Variants in DSG2 observed in about 807,000 individuals in gnomAD.
DSG2 encodes desmoglein-2.
Under a neutral mutation model 75.6 loss-of-function variants are expected in DSG2, and 45 were observed. The ratio of observed to expected loss-of-function variants is 0.60; its 90% confidence interval spans 0.47 to 0.76. The LOEUF (loss-of-function observed/expected upper bound fraction) is 0.76. Among genes scored for constraint, DSG2 ranks in the 30% least tolerant of loss-of-function variants. The probability of loss-of-function intolerance (pLI) is 0.00; values close to 1 mark genes in which losing one functional copy is unlikely to be tolerated. For synonymous variants in DSG2, 429 were observed against 483.9 expected (o/e 0.89, Z 1.49); for missense variants, 1,267 against 1,357.4 (o/e 0.93, Z 1.05).
chr18:31,547,900 C>G lies in DSG2; in HGVS notation c.*1157C>G, dbSNP rs2073326338. On this transcript the variant is annotated 3_prime_UTR_variant, in exon 15 of 15. Transcript: ENST00000261590. ...TGCAGCTACATTAACCAACTATGTT[C>G]TCTAGTTGAGAACAACTAGGCCTAT... 1 of 152,150 alleles carries G rather than the reference C, an allele frequency of 6.6e-6. No homozygotes were observed. Among genetic ancestry groups the G allele is most frequent in the Non-Finnish European group, 1.5e-5 (1 of 68,038 alleles). The allele number at this position is 152,150 out of a possible 1,614,324, so 9.4% of individuals were successfully genotyped here. A position where few individuals can be genotyped will look rare whatever the true frequency, so the allele number is the denominator to read the frequency against.
chr18:31,546,521 A>C lies in DSG2; in HGVS notation c.3135A>C (p.Thr1045=), dbSNP rs8095704. 2,126 of 1,614,218 alleles carry C rather than the reference A, an allele frequency of 1.3e-3. 29 individuals are homozygous for C. The African/African-American group carries it at 0.024, about 18-fold the overall frequency. The part of the protein sequence containing the change: ...MPNIAVGQNV[T]VTERVLAPAS... The stretch of plus-strand genomic sequence containing the variant: ...ATATAGCAGTAGGACAGAATGTGAC[A>C]GTGACAGAAAGAGTTCTAGCACCTG... The change falls in exon 15 of 15, where the codon ACA becomes ACC. Residue 1045 remains threonine (T), a synonymous_variant. Transcript: ENST00000261590.
chr18:31,536,142 C>G (rs1220558231), intron 10 of DSG2, 60 bp from the exon 11 acceptor site: 26 of 1,534,146 alleles, frequency 1.7e-5, no homozygotes, highest in Non-Finnish European at 2.2e-5. Flanking sequence ...GGAATTCAAA[C>G]TATGTCTGTT....
At chr18:31,531,624 T>A (rs1434763593) in intron 9 of DSG2, among the ~76,000 whole-genome samples, 1 of 152,262 alleles carries the variant, frequency 6.6e-6, no homozygotes, top group Non-Finnish European at 1.5e-5. Flanking sequence ...TCCACAAGAT[T>A]TACTTTATAC....
intron 3 of DSG2, 75 bp downstream of exon 3, chr18:31,520,012 T>C: frequency 6.4e-7 from 1 of 1,572,752 alleles, no homozygotes; most frequent in African/African-American, 1.4e-5. Flanking sequence ...ATGTCTACTT[T>C]AAGATTTAAG....
chr18:31,546,374 G>A lies in DSG2; in HGVS notation c.2988G>A (p.Gly996=), dbSNP rs1322460685. The change falls in exon 15 of 15, where the codon GGG becomes GGA. Residue 996 remains glycine, a synonymous_variant. Coordinates refer to ENST00000261590, the MANE Select transcript of DSG2 (RefSeq NM_001943.5). ...VVTERVIQPH[G]GGSNPLEGTQ... Reference sequence around the variant, plus strand: ...CTGAAAGAGTAATACAGCCTCATGGGGGTGGATCGAATCCTCTGGAAGGCA... The same window carrying A: ...CTGAAAGAGTAATACAGCCTCATGGAGGTGGATCGAATCCTCTGGAAGGCA... 1 of 1,614,042 alleles carries A rather than the reference G, an allele frequency of 6.2e-7. No individual in the cohort carries two copies.
chr18:31,536,133 G>T lies in DSG2; in HGVS notation c.1424-69G>T. 9.4e-6 allele frequency: 14 copies of T among 1,485,188 alleles called. No homozygotes were observed. In the South Asian group the frequency reaches 1.5e-4, roughly 16 times the overall value. 92.0% of individuals were successfully genotyped at this position (1,485,188 alleles called of 1,614,324 possible). On this transcript the variant is annotated intron_variant, in intron 10 of 14. Coordinates refer to ENST00000261590, the MANE Select transcript of DSG2 (RefSeq NM_001943.5). ...CCTTCTCCACTCCAAATTGGCAAGG[G>T]AATTCAAACTATGTCTGTTGTCAGC...
intron 11 of DSG2, among the ~76,000 whole-genome samples, chr18:31,538,343 G>A (rs1046426851): frequency 5.3e-5 from 8 of 152,262 alleles, no homozygotes; most frequent in Admixed American, 2.0e-4. Context: ...GGTACCATGG[G>A]GGTTATGCTC....
intron 8 of DSG2, among the ~76,000 whole-genome samples, 196 bp from the exon 9 acceptor site, chr18:31,530,782 AAACATCCTT>A (rs1052503575): frequency 6.6e-6 from 1 of 152,134 alleles, no homozygotes; most frequent in African/African-American, 2.4e-5. Context: ...AATACTTCCT[AAACATCCTT>A]AACATTTATG....
At position 31,546,545 on chromosome 18, in the gene DSG2, T is replaced by G. The variant is rs1224903111; in HGVS notation, c.3159T>G (p.Pro1053=). ...CAGTGACAGAAAGAGTTCTAGCACC[T>G]GCTTCCACTCTGCAATCCAGTTACC... The part of the protein sequence containing the change: ...NVTVTERVLA[P]ASTLQSSYQI... The change falls in exon 15 of 15, where the codon CCT becomes CCG. Residue 1053 remains proline, a synonymous_variant. Coordinates refer to ENST00000261590, the MANE Select transcript of DSG2 (RefSeq NM_001943.5). 1 of 1,614,234 alleles carries G rather than the reference T, an allele frequency of 6.2e-7. No individual in the cohort carries two copies. The highest frequency in any genetic ancestry group is 1.1e-5 in the South Asian group (1 of 91,084).
chr18:31,505,871 A>G (rs1361231973), intron 1 of DSG2, among the ~76,000 whole-genome samples: 1 of 152,138 alleles, frequency 6.6e-6, no homozygotes, highest in African/African-American at 2.4e-5. Context: ...CATGTTGGCC[A>G]GAATGGTCTT....
At position 31,546,700 on chromosome 18, in the gene DSG2, C is replaced by T. The variant is rs3211319; in HGVS notation, c.3314C>T (p.Thr1105Ile). 6.2e-7 allele frequency: 1 copy of T among 1,614,170 alleles called. No individual in the cohort carries two copies. Among genetic ancestry groups the T allele is most frequent in the South Asian group, 1.1e-5 (1 of 91,084 alleles). Residue 1105 changes from threonine to isoleucine, a missense_variant, in exon 15 of 15, where the codon ACC (threonine) becomes ATC (isoleucine). By Grantham distance (89) the Thr-to-Ile change is moderately conservative (BLOSUM62 -1). Transcript: ENST00000261590. ...AATTCTACCATAACCACATCTTCCA[C>T]CAGAGTTACCAAGCATAGCACTGTA... ...HSNSTITTSSTRVTKHSTVQH... is the reference protein window; with the variant it reads ...HSNSTITTSSIRVTKHSTVQH...
intron 1 of DSG2, among the ~76,000 whole-genome samples, chr18:31,499,514 T>C (rs1453956912): frequency 6.6e-6 from 1 of 152,174 alleles, no homozygotes; most frequent in African/African-American, 2.4e-5. Flanking sequence ...ATTTATCCAT[T>C]TCATTTTCCC....
At chr18:31,509,817 A>G (rs539220032) in intron 1 of DSG2, among the ~76,000 whole-genome samples, 1 of 152,222 alleles carries the variant, frequency 6.6e-6, no homozygotes, top group Non-Finnish European at 1.5e-5. Context: ...TATGGACGCT[A>G]CTACAGACCA....
chr18:31,505,809 A>G (rs1437445406), intron 1 of DSG2, among the ~76,000 whole-genome samples: 1 of 151,664 alleles, frequency 6.6e-6, no homozygotes, highest in Non-Finnish European at 1.5e-5. Context: ...CTACAGGTGC[A>G]CGCCACCACG....
At chr18:31,498,332 G>A in intron 1 of DSG2, 36 bp downstream of exon 1, 1 of 1,253,346 alleles carries the variant, frequency 8.0e-7, no homozygotes, top group Non-Finnish European at 1.0e-6. Context: ...AGCCACCGCC[G>A]GGGAGGGCGT....
chr18:31,538,935 C>T lies in DSG2; in HGVS notation c.1836C>T (p.Pro612=), dbSNP rs374288967. Residue 612 remains proline (P), a synonymous_variant, in exon 12 of 15, where the codon CCC becomes CCT. Transcript: ENST00000261590. ...AQHDSYVGLG[P]AAIALMILAF... is the part of the protein sequence containing the mutation. ...ATGACTCCTATGTGGGCCTGGGACCCGCAGCAATTGCGCTCATGATTTTGG... is the reference window on the plus strand; with the variant it reads ...ATGACTCCTATGTGGGCCTGGGACCTGCAGCAATTGCGCTCATGATTTTGG... 24 of 1,614,034 alleles carry T rather than the reference C, an allele frequency of 1.5e-5. No individual in the cohort carries two copies. The Admixed American group carries it at 1.7e-4, about 11-fold the overall frequency.
intron 8 of DSG2, among the ~76,000 whole-genome samples, chr18:31,525,664 C>T (rs2073158939): frequency 6.6e-6 from 1 of 152,160 alleles, no homozygotes; most frequent in African/African-American, 2.4e-5. Flanking sequence ...TTCCTGGTCT[C>T]ATCAACAAAA....
intron 1 of DSG2, among the ~76,000 whole-genome samples, chr18:31,499,177 GGTGTGAGTT>G (rs2073000976): frequency 6.6e-6 from 1 of 152,154 alleles, no homozygotes; most frequent in Non-Finnish European, 1.5e-5. Context: ...TGCAAATATA[GGTGTGAGTT>G]CACCTTCCAG....
chr18:31,516,517 G>A (rs901069087), intron 1 of DSG2, among the ~76,000 whole-genome samples: 9 of 152,210 alleles, frequency 5.9e-5, no homozygotes, highest in African/African-American at 1.9e-4. Flanking sequence ...ACAAAGTGAC[G>A]ATATAATTTA....
Sources: allele counts gnomAD v4.1 joint callset (sites outside exome capture counted in the v4.1 genomes callset), GRCh38; gene constraint gnomAD v4.1.1; transcripts MANE v1.5; gene names NCBI Gene and HGNC (gene_info 2026-07-23, HGNC 2026-07-21).